FRMD4B: variants seen among roughly 807,000 people sequenced by gnomAD.
FRMD4B encodes FERM domain-containing protein 4B.
In FRMD4B, 74 loss-of-function variants were observed where a neutral mutation model predicts 141.5. The observed-to-expected ratio is 0.52, with a 90% CI of 0.43 to 0.63. The LOEUF is 0.63. FRMD4B is among the 30% of genes least tolerant of loss of function. The pLI is 0.00. For missense variants in FRMD4B, 1,366 were observed against 1,253.4 expected, an observed-to-expected ratio of 1.09 and a Z score of -1.36; for synonymous variants, 506 against 467.9, an observed-to-expected ratio of 1.08 and a Z score of -1.05.
At chr3:69,215,712 A>C (rs2093133819) in intron 11 of FRMD4B, among the ~76,000 whole-genome samples, 1 of 152,202 alleles carries the variant, frequency 6.6e-6, no homozygotes, top group Non-Finnish European at 1.5e-5. Flanking sequence ...TACCTGCATC[A>C]TTGAGAGATC....
intron 1 of FRMD4B, among the ~76,000 whole-genome samples, chr3:69,380,906 A>T (rs1704102814): frequency 6.6e-6 from 1 of 152,198 alleles, no homozygotes; most frequent in African/African-American, 2.4e-5. Context: ...AAGGGTGTTG[A>T]TTATTTTTTT....
intron 1 of FRMD4B, among the ~76,000 whole-genome samples, chr3:69,521,816 T>C (rs1700859399): frequency 6.6e-6 from 1 of 152,172 alleles, no homozygotes; most frequent in African/African-American, 2.4e-5. Context: ...CTCAGCTTTC[T>C]GTCTCAGCTG....
At chr3:69,536,492 A>G (rs905488731) in intron 1 of FRMD4B, 5 of 695,832 alleles carry the variant, frequency 7.2e-6, no homozygotes, top group Non-Finnish European at 1.3e-5. Context: ...AACGTGCCCT[A>G]GCGCTACTCC....
chr3:69,212,476 TA>T (rs1281651423), intron 11 of FRMD4B, among the ~76,000 whole-genome samples: 1 of 134,374 alleles, frequency 7.4e-6, no homozygotes, highest in Non-Finnish European at 1.6e-5. Context: ...GGAACTGAAA[TA>T]AAAAAACCCT....
At chr3:69,335,522 C>T (rs1042282792) in intron 1 of FRMD4B, among the ~76,000 whole-genome samples, 1 of 151,946 alleles carries the variant, frequency 6.6e-6, no homozygotes, top group Non-Finnish European at 1.5e-5. Context: ...CAGGCACGCA[C>T]CACCATGCCT....
intron 1 of FRMD4B, among the ~76,000 whole-genome samples, chr3:69,528,375 C>CT (rs1312411110): frequency 5.4e-5 from 7 of 129,138 alleles, no homozygotes; most frequent in Non-Finnish European, 1.0e-4. Flanking sequence ...TCTTTTTTTT[C>CT]TTTTTTTGAG....
intron 11 of FRMD4B, among the ~76,000 whole-genome samples, chr3:69,215,329 G>T (rs1408417073): frequency 2.8e-5 from 1 of 35,576 alleles, no homozygotes; most frequent in East Asian, 5.5e-4. Context: ...GTCTCTCTCT[G>T]TTGCCCAGGC....
At chr3:69,410,226 C>T (rs537302566) in intron 2 of FRMD4B, among the ~76,000 whole-genome samples, 8 of 152,304 alleles carry the variant, frequency 5.3e-5, no homozygotes, top group Non-Finnish European at 1.0e-4. Context: ...TCCTTCAGGA[C>T]ACTCGGGCCA....
intron 1 of FRMD4B, among the ~76,000 whole-genome samples, chr3:69,488,756 G>A (rs1706259057): frequency 6.6e-6 from 1 of 151,850 alleles, no homozygotes; most frequent in African/African-American, 2.4e-5. Flanking sequence ...AGCTGGGCAT[G>A]GTGGCGGGTG....
chr3:69,175,377 C>G (rs1461919268), intron 22 of FRMD4B, among the ~76,000 whole-genome samples: 1 of 152,166 alleles, frequency 6.6e-6, no homozygotes, highest in East Asian at 1.9e-4. Flanking sequence ...TTTTTAAAAA[C>G]TAATTCAGAG....
chr3:69,250,075 T>G lies in FRMD4B; in HGVS notation c.526A>C (p.Thr176Pro), dbSNP rs370319827. 16 of 1,611,150 alleles carry G rather than the reference T, an allele frequency of 9.9e-6. No individual in the cohort carries two copies. The African/African-American group carries it at 2.0e-4, about 20-fold the overall frequency. ...HKGQIEVESE[T>P]IFKLAAFILQ... ...ATAAACGCTGCTAACTTGAAGATGG[T>G]TTCGCTCTCTACTTCGATTTGCCCC... is the stretch of plus-strand genomic sequence containing the variant. The change falls in exon 6 of 23, where the codon ACC (threonine) becomes CCC (proline). Residue 176 changes from threonine (T) to proline (P), a missense_variant. Transcript: ENST00000398540.
At chr3:69,390,948 A>G (rs1704369630), upstream of FRMD4B, among the ~76,000 whole-genome samples, 1 of 152,180 alleles carries the variant, frequency 6.6e-6, no homozygotes, top group Non-Finnish European at 1.5e-5. Flanking sequence ...TTCCTCTCAC[A>G]TGGCTAGTTG....
Position 69,315,983 on chromosome 3 carries a change from C to T in FRMD4B, c.163-2466G>A, listed in dbSNP as rs549734840. ...GTGTTTTATATACATTATTTCTGAG[C>T]GGCACAGTTACCTTCTGGGATTAGT... On this transcript the variant is annotated intron_variant, in intron 1 of 22. Coordinates refer to ENST00000398540, the MANE Select transcript of FRMD4B (RefSeq NM_015123.3). 3.2e-4 allele frequency among the ~76,000 whole-genome samples: 48 copies of T among 152,302 alleles called. No individual in the cohort carries two copies. In the South Asian group the frequency reaches 9.5e-3, roughly 30 times the overall value.
intron 1 of FRMD4B, among the ~76,000 whole-genome samples, chr3:69,343,004 C>T (rs537767276): frequency 6.6e-6 from 1 of 152,238 alleles, no homozygotes; most frequent in East Asian, 1.9e-4. Flanking sequence ...GGCTGGAATG[C>T]AGTAGTAGCA....
intron 13 of FRMD4B, 140 bp from the exon 14 acceptor site, chr3:69,196,536 C>CAA (rs1168173540): frequency 5.6e-6 from 2 of 358,200 alleles, no homozygotes; most frequent in Non-Finnish European, 4.5e-6. Context: ...TTCTTCAGAC[C>CAA]AAAAAACAAA....
intron 1 of FRMD4B, among the ~76,000 whole-genome samples, chr3:69,359,680 AG>A (rs1431320982): frequency 6.6e-6 from 1 of 152,182 alleles, no homozygotes; most frequent in Non-Finnish European, 1.5e-5. Context: ...AGATGAAAAG[AG>A]GTAGGGAGAG....
chr3:69,500,174 G>A (rs1706468850), intron 1 of FRMD4B, among the ~76,000 whole-genome samples: 1 of 152,202 alleles, frequency 6.6e-6, no homozygotes, highest in Non-Finnish European at 1.5e-5. Context: ...AGAGAGCAGG[G>A]TGGGGTGAGC....
At chr3:69,428,780 T>G (rs1257517204) in intron 2 of FRMD4B, among the ~76,000 whole-genome samples, 2 of 152,128 alleles carry the variant, frequency 1.3e-5, no homozygotes, top group Non-Finnish European at 2.9e-5. Context: ...ACCATCACTC[T>G]CATCCTTCTC....
At chr3:69,207,653 C>G (rs556425532) in intron 11 of FRMD4B, among the ~76,000 whole-genome samples, 1 of 151,926 alleles carries the variant, frequency 6.6e-6, no homozygotes, top group Non-Finnish European at 1.5e-5. Flanking sequence ...ACTAAAAATA[C>G]AAAAATTAGC....
Sources: gnomAD v4.1 joint callset for allele counts (sites outside exome capture counted in the v4.1 genomes callset) on GRCh38, gnomAD v4.1.1 for gene constraint, MANE v1.5 for transcripts, NCBI Gene and HGNC (gene_info 2026-07-23, HGNC 2026-07-21) for gene names.